The following FARP1 variants were observed in gnomAD, a reference collection of about 807,000 sequenced individuals.
The protein encoded by FARP1 is FERM, ARHGEF and pleckstrin domain-containing protein 1.
FARP1 carries 52 observed loss-of-function variants against 128.8 expected under a neutral mutation model. That is an observed-to-expected ratio of 0.40 (90% CI 0.32 to 0.51). The LOEUF (loss-of-function observed/expected upper bound fraction) is 0.51. Among genes scored for constraint, FARP1 ranks in the 20% least tolerant of loss-of-function variants. The probability of loss-of-function intolerance (pLI) is 0.45; values close to 1 mark genes in which losing one functional copy is unlikely to be tolerated. For synonymous variants in FARP1, 580 were observed against 551.8 expected (o/e 1.05, Z -0.72); for missense variants, 1,333 against 1,367.9 (o/e 0.97, Z 0.40).
intron 2 of FARP1, among the ~76,000 whole-genome samples, chr13:98,299,826 T>C (rs1885849820): frequency 6.6e-6 from 1 of 152,226 alleles, no homozygotes. Context: ...ACTGCTATTT[T>C]AATAATCGGT....
chr13:98,407,335 C>G (rs956966258), intron 13 of FARP1: 2 of 57,676 alleles, frequency 3.5e-5, no homozygotes, highest in African/African-American at 1.2e-4. Context: ...TAACATTTTT[C>G]TTTTTGTGAT....
In FARP1 at chr13:98,437,881, C is replaced by T. The variant is rs748841892; in HGVS notation, c.2275-923C>T. 3.9e-6 allele frequency: 6 copies of T among 1,520,388 alleles called. No individual in the cohort carries two copies. The Admixed American group carries it at 5.2e-5, about 13-fold the overall frequency. The allele number at this position is 1,520,388 out of a possible 1,614,324, so 94.2% of individuals were successfully genotyped here. ...AAGGTGAAGATGGAATTGGGGTACT[C>T]CTTCCTAAGCTCAGATGATCCCCTG... On this transcript the variant is annotated intron_variant, in intron 19 of 26. Transcript: ENST00000319562.
At chr13:98,393,329 CT>C (rs1224871814) in intron 11 of FARP1, among the ~76,000 whole-genome samples, 1 of 152,198 alleles carries the variant, frequency 6.6e-6, no homozygotes, top group Admixed American at 6.5e-5. Context: ...ATCCTCCCTC[CT>C]CTGTGACTTT....
chr13:98,166,765 G>A (rs976667599), intron 1 of FARP1, among the ~76,000 whole-genome samples: 1 of 144,544 alleles, frequency 6.9e-6, no homozygotes, highest in African/African-American at 2.6e-5. Context: ...TTCTGTCACT[G>A]TGGCTGAAGT....
At chr13:98,356,101 T>G (rs1888626213) in intron 3 of FARP1, among the ~76,000 whole-genome samples, 1 of 152,216 alleles carries the variant, frequency 6.6e-6, no homozygotes, top group Non-Finnish European at 1.5e-5. Context: ...ATTCAATATA[T>G]TTCAATGAGG....
At chr13:98,237,045 C>G (rs1882464766) in intron 2 of FARP1, among the ~76,000 whole-genome samples, 1 of 151,766 alleles carries the variant, frequency 6.6e-6, no homozygotes, top group African/African-American at 2.4e-5. Flanking sequence ...TGGCTCATGT[C>G]TGTAATCCCA....
intron 1 of FARP1, among the ~76,000 whole-genome samples, chr13:98,178,303 C>A (rs149988576): frequency 6.7e-6 from 1 of 149,678 alleles, no homozygotes; most frequent in Non-Finnish European, 1.5e-5. Context: ...TCAAGCAATT[C>A]TCCTGCCTCA....
chr13:98,236,972 A>G (rs1882457928), intron 2 of FARP1, among the ~76,000 whole-genome samples: 2 of 152,124 alleles, frequency 1.3e-5, no homozygotes. Context: ...AGCCTGGGCA[A>G]CAGAGCAAGA....
At chr13:98,270,973 T>C (rs1884363379) in intron 2 of FARP1, among the ~76,000 whole-genome samples, 1 of 152,198 alleles carries the variant, frequency 6.6e-6, no homozygotes, top group Admixed American at 6.5e-5. Flanking sequence ...TGCTGTCCTC[T>C]GAATCAGAAA....
At chr13:98,320,088 C>T (rs1255457757) in intron 2 of FARP1, among the ~76,000 whole-genome samples, 1 of 152,160 alleles carries the variant, frequency 6.6e-6, no homozygotes, top group Non-Finnish European at 1.5e-5. Context: ...CTGTTTTCCT[C>T]CCGGGCTAGC....
rs1566701342 is a variant in FARP1, at chr13:98,176,554, C to T, written c.-24+33062C>T. ...ACAGTAGCGACCCTCTTCAAGCTCC[C>T]GTTCAATCTCCCACCCGAGCTTGTA... is the stretch of plus-strand genomic sequence containing the variant. On this transcript the variant is annotated intron_variant, in intron 1 of 26. Coordinates refer to ENST00000319562, the MANE Select transcript of FARP1 (RefSeq NM_005766.4). The surrounding 1 kb of genome is among the most constrained non-coding windows in gnomAD (Gnocchi z 6.2). The T allele has an allele frequency of 1.9e-6, 3 of 1,614,212 alleles. No homozygotes were observed. Among genetic ancestry groups the T allele is most frequent in the Middle Eastern group, 1.6e-4 (1 of 6,062 alleles).
At chr13:98,377,418 A>G (rs1231488178) in intron 5 of FARP1, among the ~76,000 whole-genome samples, 3 of 150,488 alleles carry the variant, frequency 2.0e-5, no homozygotes, top group African/African-American at 7.3e-5. Context: ...TTCTCATTTC[A>G]TTGGCAATCC....
intron 2 of FARP1, among the ~76,000 whole-genome samples, chr13:98,248,391 TC>T (rs1272499774): frequency 6.6e-6 from 1 of 152,096 alleles, no homozygotes; most frequent in Non-Finnish European, 1.5e-5. Flanking sequence ...GTAGAGGGCT[TC>T]CCCAAGGTAT....
chr13:98,367,482 TTTCTTTC>T (rs1394635740), intron 4 of FARP1, among the ~76,000 whole-genome samples: 1 of 146,308 alleles, frequency 6.8e-6, no homozygotes, highest in African/African-American at 2.8e-5. Flanking sequence ...TCTGTCCTGT[TTTCTTTC>T]TTTTTTTTTT....
At chr13:98,379,173 TATATATAATATATATA>T (rs1449944106) in intron 6 of FARP1, among the ~76,000 whole-genome samples, 5 of 96,812 alleles carry the variant, frequency 5.2e-5, no homozygotes, top group Admixed American at 1.4e-4. Context: ...ATATATAATC[TATATATAATATATATA>T]ATATATAATA....
intron 24 of FARP1, among the ~76,000 whole-genome samples, chr13:98,444,541 C>T (rs547390698): frequency 4.4e-4 from 67 of 152,274 alleles, no homozygotes; most frequent in African/African-American, 1.5e-3. Context: ...AGACTCATGG[C>T]GCGCAGGGCC....
chr13:98,254,942 C>T (rs1312728733), intron 2 of FARP1, among the ~76,000 whole-genome samples: 4 of 134,582 alleles, frequency 3.0e-5, no homozygotes, highest in Admixed American at 1.4e-4. Context: ...GTGGCATCTT[C>T]CTCTTTTTTT....
At chr13:98,418,978 A>G (rs1891490297) in intron 16 of FARP1, among the ~76,000 whole-genome samples, 1 of 152,204 alleles carries the variant, frequency 6.6e-6, no homozygotes, top group Non-Finnish European at 1.5e-5. Context: ...TGTAATTGAC[A>G]GACTTGAGGG....
chr13:98,447,141 G>A (rs533940831), intron 26 of FARP1: 13 of 231,438 alleles, frequency 5.6e-5, no homozygotes, highest in East Asian at 3.1e-4. Flanking sequence ...GGCAGGGACT[G>A]CAGACTTCAT....
Sources: gnomAD v4.1 joint callset for allele counts (sites outside exome capture counted in the v4.1 genomes callset) on GRCh38, gnomAD v4.1.1 for gene constraint, Gnocchi (gnomAD v3.1) non-coding constraint, MANE v1.5 for transcripts, NCBI Gene and HGNC (gene_info 2026-07-23, HGNC 2026-07-21) for gene names.